Variants in WRN observed in about 807,000 individuals in gnomAD.
The protein encoded by WRN is bifunctional 3'-5' exonuclease/ATP-dependent helicase WRN.
Under a neutral mutation model 180.7 loss-of-function variants are expected in WRN, and 149 were observed. The observed-to-expected ratio is 0.82, with a 90% confidence interval of 0.72 to 0.94. The LOEUF is 0.94. Among genes scored for constraint, WRN ranks in the 40% least tolerant of loss-of-function variants. WRN has a pLI of 0.00. For synonymous variants in WRN, 548 were observed against 568.9 expected (o/e 0.96, Z 0.52); for missense variants, 1,661 against 1,700.1 (o/e 0.98, Z 0.40).
chr8:31,159,812 G>T (rs1158625758), intron 33 of WRN, among the ~76,000 whole-genome samples: 1 of 152,018 alleles, frequency 6.6e-6, no homozygotes, highest in Admixed American at 6.6e-5. Flanking sequence ...AGCAGTGGTG[G>T]CATGCGCCTG....
At chr8:31,151,122 T>G (rs1351015685) in intron 31 of WRN, among the ~76,000 whole-genome samples, 1 of 152,204 alleles carries the variant, frequency 6.6e-6, no homozygotes, top group East Asian at 1.9e-4. Flanking sequence ...CTTACAGTTG[T>G]TCACCTGGTG....
At chr8:31,067,282 C>A in intron 6 of WRN, 100 bp downstream of exon 6, 3 of 1,337,476 alleles carry the variant, frequency 2.2e-6, no homozygotes, top group South Asian at 1.3e-5. Flanking sequence ...GAAACTCTAC[C>A]AAAATATTTT....
chr8:31,098,498 A>G (rs1585451892), intron 17 of WRN, among the ~76,000 whole-genome samples: 1 of 152,356 alleles, frequency 6.6e-6, no homozygotes, highest in Non-Finnish European at 1.5e-5. Context: ...TACTTTGCTT[A>G]TGATGGATGA....
chr8:31,137,647 G>A (rs1802449280), intron 24 of WRN, among the ~76,000 whole-genome samples: 1 of 152,072 alleles, frequency 6.6e-6, no homozygotes, highest in African/African-American at 2.4e-5. Context: ...ATCCTCAAGA[G>A]ATAAAAATGA....
At position 31,124,989 on chromosome 8, in the gene WRN, T is replaced by C; in HGVS notation, c.2814T>C (p.Asn938=). The C allele has an allele frequency of 6.2e-6, 10 of 1,613,048 alleles. No individual in the cohort carries two copies. The highest frequency in any genetic ancestry group is 8.5e-6 in the Non-Finnish European group (10 of 1,179,322). The part of the protein sequence containing the change: ...GIMGTEKCCD[N]CRSRLDHCYS... ...TGGGAACTGAAAAATGCTGTGATAA[T>C]TGCAGGTCCAGGTAAAGATTTCTTA... Residue 938 remains asparagine (N), a synonymous_variant, in exon 23 of 35, where the codon AAT becomes AAC. Transcript: ENST00000298139.
At chr8:31,086,752 C>T (rs1563342291) in intron 11 of WRN, among the ~76,000 whole-genome samples, 1 of 152,028 alleles carries the variant, frequency 6.6e-6, no homozygotes, top group Non-Finnish European at 1.5e-5. Context: ...AGTATAGAGC[C>T]TGACATTTAG....
chr8:31,159,289 G>C (rs1174783219), intron 33 of WRN, among the ~76,000 whole-genome samples: 1 of 151,642 alleles, frequency 6.6e-6, no homozygotes, highest in Non-Finnish European at 1.5e-5. Context: ...GACACCCAGA[G>C]TGAGAACCTG....
chr8:31,085,327 A>G (rs1813488286), intron 11 of WRN, 81 bp downstream of exon 11: 1 of 1,422,268 alleles, frequency 7.0e-7, no homozygotes. Context: ...CTAATTCTAA[A>G]CCAGGTTCCA....
chr8:31,120,807 T>C (rs1425511936), intron 21 of WRN, among the ~76,000 whole-genome samples: 1 of 152,014 alleles, frequency 6.6e-6, no homozygotes, highest in African/African-American at 2.4e-5. Flanking sequence ...TTACTTCAAC[T>C]ACCACTGATT....
chr8:31,045,433 G>A (rs540480741), intron 1 of WRN, among the ~76,000 whole-genome samples: 170 of 146,224 alleles, frequency 1.2e-3, no homozygotes, highest in African/African-American at 4.1e-3. Flanking sequence ...TGGGAGTCTC[G>A]TTCTTATTGC....
At chr8:31,145,729 C>T (rs1802833933) in intron 28 of WRN, among the ~76,000 whole-genome samples, 1 of 152,002 alleles carries the variant, frequency 6.6e-6, no homozygotes, top group Admixed American at 6.6e-5. Context: ...AGAAAACCTT[C>T]TGGAAAATAT....
intron 16 of WRN, among the ~76,000 whole-genome samples, chr8:31,095,390 T>C (rs1181824943): frequency 6.6e-6 from 1 of 152,232 alleles, no homozygotes; most frequent in Admixed American, 6.5e-5. Flanking sequence ...CACAGTTCTT[T>C]TGAAGAGCAG....
chr8:31,109,487 G>A (rs61649626), intron 18 of WRN, among the ~76,000 whole-genome samples: 4,073 of 152,152 alleles, frequency 0.027, 179 homozygotes, highest in African/African-American at 0.089. Context: ...TCATATAGCC[G>A]TCTCCATCTC....
At chr8:31,103,562 A>G (rs1306961536) in intron 18 of WRN, among the ~76,000 whole-genome samples, 1 of 38,842 alleles carries the variant, frequency 2.6e-5, no homozygotes, top group Non-Finnish European at 7.1e-5. Context: ...CCACATGACT[A>G]TTTTTCGGTG....
At chr8:31,164,875 G>C (rs1310186237) in intron 33 of WRN, among the ~76,000 whole-genome samples, 1 of 152,142 alleles carries the variant, frequency 6.6e-6, no homozygotes, top group Non-Finnish European at 1.5e-5. Flanking sequence ...TGGGAAGTTA[G>C]AGCAGAGTAA....
At chr8:31,057,551 A>T (rs985997502) in intron 1 of WRN, among the ~76,000 whole-genome samples, 2 of 152,130 alleles carry the variant, frequency 1.3e-5, no homozygotes, top group Admixed American at 1.3e-4. Flanking sequence ...AGCCTGGGCG[A>T]CACAGCAAGA....
chr8:31,154,642 A>T lies in WRN; in HGVS notation c.3706A>T (p.Thr1236Ser). The T allele has an allele frequency of 6.2e-7, 1 of 1,613,268 alleles. No homozygotes were observed. The highest frequency in any genetic ancestry group is 8.5e-7 in the Non-Finnish European group (1 of 1,179,510). ...NSVQTDLFSS[T>S]KPQEEQKTSL... ...TCTGTAGACAGACCTCTTTTCAAGT[A>T]CAAAACCTCAAGAAGAACAGAAGAC... is the stretch of plus-strand genomic sequence containing the variant. The change falls in exon 32 of 35, where the codon ACA becomes TCA. Residue 1236 changes from threonine to serine, a missense_variant. By Grantham distance (58) the Thr-to-Ser change is moderately conservative (BLOSUM62 1). Around this residue, in one of 3 missense-constraint regions of WRN, gnomAD observed 1,141 missense variants for 1,149.4 expected, o/e 0.99. Transcript: ENST00000298139.
At position 31,090,813 on chromosome 8, in the gene WRN, T is replaced by C. The variant is rs1235748984; in HGVS notation, c.1721-21T>C. 2.6e-6 allele frequency: 4 copies of C among 1,564,650 alleles called. No individual in the cohort carries two copies. The East Asian group carries it at 9.0e-5, about 35-fold the overall frequency. On this transcript the variant is annotated intron_variant, in intron 14 of 34. Coordinates refer to ENST00000298139, the MANE Select transcript of WRN (RefSeq NM_000553.6). ...TTTCTATATTTTTTTCATTTTATTTTTATATTTTTTTCATTTCAAGGATAT... is the reference window on the plus strand; with the variant it reads ...TTTCTATATTTTTTTCATTTTATTTCTATATTTTTTTCATTTCAAGGATAT...
rs546705278 is a variant in WRN, at chr8:31,049,568, C to G, written c.-76-8804C>G. Reference sequence around the variant, plus strand: ...ATTCAGTACTTTTTTTGAGTGAGGTCCAATGGGTCAGAAAGAAGCATTGGA... The same window carrying G: ...ATTCAGTACTTTTTTTGAGTGAGGTGCAATGGGTCAGAAAGAAGCATTGGA... On this transcript the variant is annotated intron_variant, in intron 1 of 34. Transcript: ENST00000298139. 2.7e-5 allele frequency among the ~76,000 whole-genome samples: 3 copies of G among 109,104 alleles called. No individual in the cohort carries two copies. The South Asian group carries it at 8.4e-4, about 30-fold the overall frequency. 71.6% of individuals were successfully genotyped at this position (109,104 alleles called of 152,430 possible).
Sources: gnomAD v4.1 joint callset for allele counts (sites outside exome capture counted in the v4.1 genomes callset) on GRCh38, gnomAD v4.1.1 for gene constraint, gnomAD v4.1.1 regional missense constraint, MANE v1.5 for transcripts, NCBI Gene and HGNC (gene_info 2026-07-23, HGNC 2026-07-21) for gene names.